The following IL12B variants were observed in gnomAD, a reference collection of about 807,000 sequenced individuals.
IL12B encodes the protein interleukin-12 subunit beta.
Under a neutral mutation model 39.2 loss-of-function variants are expected in IL12B, and 27 were observed. The ratio of observed to expected loss-of-function variants is 0.69; its 90% confidence interval spans 0.51 to 0.95. The LOEUF (loss-of-function observed/expected upper bound fraction) is 0.95, where lower values mean the gene tolerates loss of function less well. Ranked by LOEUF, IL12B falls within the 40% of genes least tolerant of loss-of-function variation. IL12B has a pLI of 0.00. For missense variants in IL12B, 351 were observed against 397.6 expected, an observed-to-expected ratio of 0.88 and a Z score of 1.00; for synonymous variants, 142 against 152.1, an observed-to-expected ratio of 0.93 and a Z score of 0.49.
At chr5:159,326,487 C>A (rs1039470700) in intron 2 of IL12B, among the ~76,000 whole-genome samples, 1 of 152,164 alleles carries the variant, frequency 6.6e-6, no homozygotes, top group African/African-American at 2.4e-5. Context: ...CCATAGTGTA[C>A]CAATGTCATC....
intron 6 of IL12B, 130 bp from the exon 7 acceptor site, chr5:159,316,946 C>T (rs1314611731): frequency 3.0e-6 from 3 of 992,112 alleles, no homozygotes; most frequent in Non-Finnish European, 3.2e-6. Flanking sequence ...GCTTGCAATT[C>T]ACAGGGGTGT....
intron 4 of IL12B, among the ~76,000 whole-genome samples, chr5:159,321,525 A>G (rs1458555617): frequency 6.6e-6 from 1 of 152,110 alleles, no homozygotes; most frequent in Admixed American, 6.5e-5. Context: ...TGATTATGTA[A>G]CCATCCTTTT....
chr5:159,326,050 C>A (rs1453845347), intron 2 of IL12B, among the ~76,000 whole-genome samples: 3 of 152,198 alleles, frequency 2.0e-5, no homozygotes, highest in Non-Finnish European at 4.4e-5. Context: ...AATAGTAATA[C>A]TAGCTGACAT....
intron 1 of IL12B, among the ~76,000 whole-genome samples, chr5:159,328,129 C>T (rs910587309): frequency 2.7e-4 from 41 of 152,178 alleles, no homozygotes; most frequent in Admixed American, 1.7e-3. Flanking sequence ...TAACTCTAGG[C>T]GGACCTTGCT....
At chr5:159,321,376 C>T (rs1252044279) in intron 4 of IL12B, among the ~76,000 whole-genome samples, 1 of 150,568 alleles carries the variant, frequency 6.6e-6, no homozygotes, top group African/African-American at 2.5e-5. Flanking sequence ...TACACACACA[C>T]ACACACACAC....
At chr5:159,326,098 A>C (rs1208926585) in intron 2 of IL12B, among the ~76,000 whole-genome samples, 1 of 152,228 alleles carries the variant, frequency 6.6e-6, no homozygotes, top group Non-Finnish European at 1.5e-5. Flanking sequence ...TGTATTCTGC[A>C]TTCATTAACC....
At chr5:159,321,796 G>A (rs936138190) in intron 4 of IL12B, among the ~76,000 whole-genome samples, 9 of 152,138 alleles carry the variant, frequency 5.9e-5, no homozygotes, top group African/African-American at 1.9e-4. Flanking sequence ...GGTTTGCTTC[G>A]GTGATGATTA....
At position 159,322,314 on chromosome 5, in the gene IL12B, A is replaced by T; in HGVS notation, c.482+80T>A. On this transcript the variant is annotated intron_variant, in intron 4 of 7. Coordinates refer to ENST00000231228, the MANE Select transcript of IL12B (RefSeq NM_002187.3). ...GCTTTTCCCATTATCATTAACTGATAGGTCACTGAGAGGTTGCCCTTAATT... is the reference window on the plus strand; with the variant it reads ...GCTTTTCCCATTATCATTAACTGATTGGTCACTGAGAGGTTGCCCTTAATT... The T allele has an allele frequency of 4.5e-6, 4 of 891,864 alleles. 1 individual carries two copies. In the South Asian group the frequency reaches 5.2e-5, roughly 12 times the overall value. The allele number at this position is 891,864 out of a possible 1,614,324, so 55.2% of individuals were successfully genotyped here. A position where few individuals can be genotyped will look rare whatever the true frequency, so the allele number is the denominator to read the frequency against.
chr5:159,325,752 G>T (rs1256589018), intron 2 of IL12B: 1 of 152,174 alleles, frequency 6.6e-6, no homozygotes, highest in East Asian at 1.9e-4. Flanking sequence ...TGGCTCTTGT[G>T]AGAATTAAGT....
intron 4 of IL12B, 99 bp from the exon 5 acceptor site, chr5:159,320,619 A>G: frequency 2.0e-6 from 2 of 980,304 alleles, no homozygotes; most frequent in Admixed American, 3.9e-5. Flanking sequence ...CTGTTGTCTG[A>G]GGACACAGTT....
chr5:159,323,045 T>C lies in IL12B; in HGVS notation c.364+9A>G. On this transcript the variant is annotated intron_variant, in intron 3 of 7. Coordinates refer to ENST00000231228, the MANE Select transcript of IL12B (RefSeq NM_002187.3). ...AGAAAATTGATACTATCCAAGGGTATAGAATTACCTTTCTGGTCCTTTAAA... is the reference window on the plus strand; with the variant it reads ...AGAAAATTGATACTATCCAAGGGTACAGAATTACCTTTCTGGTCCTTTAAA... 1 of 1,613,526 alleles carries C rather than the reference T, an allele frequency of 6.2e-7. No homozygotes were observed. Among genetic ancestry groups the C allele is most frequent in the Non-Finnish European group, 8.5e-7 (1 of 1,179,424 alleles).
chr5:159,327,010 A>T (rs1754202548), intron 1 of IL12B, among the ~76,000 whole-genome samples: 1 of 152,188 alleles, frequency 6.6e-6, no homozygotes, highest in Non-Finnish European at 1.5e-5. Context: ...GGGGAAGAAC[A>T]TCTCTAAATA....
intron 7 of IL12B, among the ~76,000 whole-genome samples, chr5:159,316,373 A>C (rs142112191): frequency 6.6e-6 from 1 of 152,306 alleles, no homozygotes; most frequent in Non-Finnish European, 1.5e-5. Context: ...CAAGATTCTG[A>C]GTCCTGCAAG....
intron 3 of IL12B, 23 bp from the exon 4 acceptor site, chr5:159,322,534 T>G (rs769133376): frequency 5.4e-6 from 8 of 1,492,558 alleles, no homozygotes; most frequent in Non-Finnish European, 7.5e-6. Context: ...AAAACAAAAA[T>G]TCAATATTTA....
intron 2 of IL12B, chr5:159,325,596 G>C (rs952069953): frequency 6.6e-6 from 1 of 152,136 alleles, no homozygotes; most frequent in Non-Finnish European, 1.5e-5. Flanking sequence ...ACAAATTTAA[G>C]TGCACCAGCT....
intron 2 of IL12B, among the ~76,000 whole-genome samples, chr5:159,325,263 G>A (rs929690176): frequency 3.3e-5 from 5 of 152,170 alleles, no homozygotes; most frequent in East Asian, 1.9e-4. Flanking sequence ...TCCTGAGCTC[G>A]CTAACAATCC....
intron 5 of IL12B, 47 bp downstream of exon 5, chr5:159,320,258 CA>C (rs1179983001): frequency 6.6e-7 from 1 of 1,521,382 alleles, no homozygotes; most frequent in Non-Finnish European, 9.1e-7. Context: ...GAACACGTGA[CA>C]AATAGTATCT....
At chr5:159,320,543 G>A (rs1754069631) in intron 4 of IL12B, 23 bp from the exon 5 acceptor site, 3 of 1,595,096 alleles carry the variant, frequency 1.9e-6, no homozygotes, top group Non-Finnish European at 2.6e-6. Context: ...ACAGAAATTA[G>A]CCTGTGTTAC....
chr5:159,329,531 G>A (rs970077946), intron 1 of IL12B, among the ~76,000 whole-genome samples: 8 of 152,174 alleles, frequency 5.3e-5, no homozygotes, highest in African/African-American at 1.7e-4. Context: ...GCCACACTGA[G>A]TGAACTCTCT....
Sources: allele counts gnomAD v4.1 joint callset (sites outside exome capture counted in the v4.1 genomes callset), GRCh38; gene constraint gnomAD v4.1.1; transcripts MANE v1.5; gene names NCBI Gene and HGNC (gene_info 2026-07-23, HGNC 2026-07-21).